The following SLC35D2 variants were observed in gnomAD, a reference collection of about 807,000 sequenced individuals.
SLC35D2 encodes the protein solute carrier family 35 member D2.
SLC35D2 carries 43 observed loss-of-function variants against 41.8 expected under a neutral mutation model. That is an observed-to-expected ratio of 1.03 (90% CI 0.81 to 1.33). The LOEUF (loss-of-function observed/expected upper bound fraction) is 1.33. SLC35D2 is among the 40% of genes most tolerant of loss of function. The probability of loss-of-function intolerance (pLI) is 0.00; values close to 1 mark genes in which losing one functional copy is unlikely to be tolerated. For missense variants in SLC35D2, 380 were observed against 408.4 expected (o/e 0.93, Z 0.60); for synonymous variants, 150 against 163.9 (o/e 0.92, Z 0.65).
intron 4 of SLC35D2, among the ~76,000 whole-genome samples, chr9:96,356,535 A>T (rs1428069943): frequency 1.3e-5 from 2 of 152,144 alleles, no homozygotes; most frequent in East Asian, 3.9e-4. Flanking sequence ...ATACAAAGTT[A>T]CAATAATCAA....
rs73538923 is a variant in SLC35D2 at position 96,357,992 on chromosome 9, A to G, written c.347+2162T>C. Among the ~76,000 whole-genome samples the G allele has an allele frequency of 2.5e-3, 383 of 151,550 alleles. 1 individual carries two copies. Among genetic ancestry groups the G allele is most frequent in the African/African-American group, 8.7e-3 (358 of 41,190 alleles). Reference sequence around the variant, plus strand: ...AGGGTGAGGCTGCAAGTGAGCTGTGATCGCACCACTGCATTCCAGCCTGGA... The same window carrying G: ...AGGGTGAGGCTGCAAGTGAGCTGTGGTCGCACCACTGCATTCCAGCCTGGA... On this transcript the variant is annotated intron_variant, in intron 4 of 11. Transcript: ENST00000253270.
At chr9:96,371,497 A>AAAAAAAAAC (rs1830680803) in intron 1 of SLC35D2, among the ~76,000 whole-genome samples, 1 of 128,720 alleles carries the variant, frequency 7.8e-6, no homozygotes, top group Non-Finnish European at 1.7e-5. Flanking sequence ...AAAAAAAAAA[A>AAAAAAAAAC]AAAAAAAAAT....
intron 3 of SLC35D2, among the ~76,000 whole-genome samples, chr9:96,361,713 CA>C (rs1830284241): frequency 1.4e-5 from 2 of 141,532 alleles, no homozygotes; most frequent in African/African-American, 5.2e-5. Flanking sequence ...AAAACAAAAA[CA>C]GAAAAAAAAA....
chr9:96,360,801 G>A (rs1404713889), intron 3 of SLC35D2, among the ~76,000 whole-genome samples: 1 of 151,864 alleles, frequency 6.6e-6, no homozygotes, highest in African/African-American at 2.4e-5. Flanking sequence ...GAGTGCAATG[G>A]TGTGATCTTG....
intron 1 of SLC35D2, among the ~76,000 whole-genome samples, chr9:96,373,099 C>A (rs1226531423): frequency 6.6e-6 from 1 of 151,904 alleles, no homozygotes; most frequent in Non-Finnish European, 1.5e-5. Flanking sequence ...TGGGTTTCAC[C>A]ATGTTGACCA....
chr9:96,321,357 A>G lies in SLC35D2; in HGVS notation c.915-16T>C. The G allele has an allele frequency of 1.3e-6, 2 of 1,594,900 alleles. No homozygotes were observed. The highest frequency in any genetic ancestry group is 1.7e-6 in the Non-Finnish European group (2 of 1,164,394). On this transcript the variant is annotated splice_polypyrimidine_tract_variant and intron_variant, in intron 11 of 11. Transcript: ENST00000253270. ...CCCTGCCATGCTGAAAGGAGAAAAA[A>G]AAGTGAAAATAAATGACTGGGAATT...
intron 4 of SLC35D2, among the ~76,000 whole-genome samples, chr9:96,354,190 G>A (rs989805208): frequency 9.2e-5 from 14 of 152,104 alleles, no homozygotes; most frequent in Admixed American, 3.9e-4. Context: ...AATGTTTTCC[G>A]CCTATGATTA....
At chr9:96,328,084 C>G (rs576338350) in intron 9 of SLC35D2, among the ~76,000 whole-genome samples, 1 of 152,214 alleles carries the variant, frequency 6.6e-6, no homozygotes, top group South Asian at 2.1e-4. Flanking sequence ...ACTAAAAGAA[C>G]CTTCGTTAAC....
intron 4 of SLC35D2, among the ~76,000 whole-genome samples, chr9:96,355,610 C>T (rs1250552320): frequency 6.6e-6 from 1 of 152,032 alleles, no homozygotes; most frequent in Non-Finnish European, 1.5e-5. Context: ...AATTCTCCTG[C>T]CTCAGCCTCC....
chr9:96,354,899 G>A (rs1829956003), intron 4 of SLC35D2, among the ~76,000 whole-genome samples: 1 of 150,272 alleles, frequency 6.7e-6, no homozygotes, highest in Non-Finnish European at 1.5e-5. Context: ...ACAAAACATT[G>A]TTAAAAAAAT....
At chr9:96,360,297 A>G in intron 3 of SLC35D2, 76 bp from the exon 4 acceptor site, 1 of 1,139,876 alleles carries the variant, frequency 8.8e-7, no homozygotes, top group Non-Finnish European at 1.3e-6. Flanking sequence ...AAAAATGGTG[A>G]CAGATACTTC....
In SLC35D2 at chr9:96,337,842, C is replaced by T. The variant is rs1028621348; in HGVS notation, c.685-1058G>A. Among the ~76,000 whole-genome samples the T allele has an allele frequency of 2.0e-5, 3 of 151,688 alleles. No homozygotes were observed. The East Asian group carries it at 5.9e-4, about 30-fold the overall frequency. On this transcript the variant is annotated intron_variant, in intron 8 of 11. Transcript: ENST00000253270. ...ACGAAAAATACAAAAATTAGCCAGG[C>T]GCAGGGGCAGGTGCCTGTAATCCCA...
At chr9:96,381,608 C>T (rs907709670) in intron 1 of SLC35D2, among the ~76,000 whole-genome samples, 2 of 152,184 alleles carry the variant, frequency 1.3e-5, no homozygotes, top group Admixed American at 1.3e-4. Context: ...TTCCCCAGCA[C>T]CTTGGTCACA....
intron 9 of SLC35D2, among the ~76,000 whole-genome samples, chr9:96,327,624 C>CTT (rs772967356): frequency 1.4e-5 from 2 of 142,994 alleles, no homozygotes; most frequent in Non-Finnish European, 3.1e-5. Flanking sequence ...TTTTCTTTTT[C>CTT]TTTTTTTTTT....
At chr9:96,340,582 T>C (rs1281077773) in intron 8 of SLC35D2, among the ~76,000 whole-genome samples, 4 of 126,160 alleles carry the variant, frequency 3.2e-5, no homozygotes, top group Non-Finnish European at 4.7e-5. Flanking sequence ...ATCATGCCAT[T>C]GCACTCTAGC....
downstream of SLC35D2, among the ~76,000 whole-genome samples, chr9:96,319,246 C>A (rs1045053232): frequency 1.3e-5 from 2 of 152,130 alleles, no homozygotes; most frequent in African/African-American, 4.8e-5. Flanking sequence ...AGTGAATAAA[C>A]CTGTCACAAA....
chr9:96,331,303 T>A (rs1019737932), intron 9 of SLC35D2, among the ~76,000 whole-genome samples: 2 of 152,160 alleles, frequency 1.3e-5, no homozygotes, highest in Non-Finnish European at 2.9e-5. Flanking sequence ...CTCCTCCTTC[T>A]CCTGTATGCT....
At chr9:96,342,268 G>A (rs1347225586) in intron 8 of SLC35D2, among the ~76,000 whole-genome samples, 1 of 151,918 alleles carries the variant, frequency 6.6e-6, no homozygotes, top group Non-Finnish European at 1.5e-5. Context: ...CCGCCACCAT[G>A]CCTGGCTTAT....
intron 4 of SLC35D2, among the ~76,000 whole-genome samples, chr9:96,358,447 G>C (rs1830128323): frequency 6.6e-6 from 1 of 151,758 alleles, no homozygotes; most frequent in Non-Finnish European, 1.5e-5. Context: ...ACAGTGTTAA[G>C]AAAATAAAAA....
Sources: allele counts gnomAD v4.1 joint callset (sites outside exome capture counted in the v4.1 genomes callset), GRCh38; gene constraint gnomAD v4.1.1; transcripts MANE v1.5; gene names NCBI Gene and HGNC (gene_info 2026-07-23, HGNC 2026-07-21).